IL5RA: variants seen among roughly 807,000 people sequenced by gnomAD.
IL5RA encodes interleukin 5 receptor subunit alpha, also known as interleukin-5 receptor subunit alpha.
Under a neutral mutation model 50.0 loss-of-function variants are expected in IL5RA, and 49 were observed. The observed-to-expected ratio is 0.98, with a 90% CI of 0.78 to 1.24. The LOEUF is 1.24. Ranked by LOEUF, IL5RA falls within the 50% of genes most tolerant of loss-of-function variation. IL5RA has a pLI of 0.00. For synonymous variants in IL5RA, 202 were observed against 174.0 expected (o/e 1.16, Z -1.26); for missense variants, 600 against 500.4 (o/e 1.20, Z -1.90).
chr3:3,074,533 C>A (rs1355547532), intron 11 of IL5RA, among the ~76,000 whole-genome samples: 1 of 152,148 alleles, frequency 6.6e-6, no homozygotes, highest in Non-Finnish European at 1.5e-5. Flanking sequence ...ACTTGGGAGG[C>A]TGAGGTGGGA....
intron 9 of IL5RA, among the ~76,000 whole-genome samples, chr3:3,090,649 C>G (rs992346003): frequency 6.8e-5 from 10 of 147,910 alleles, no homozygotes; most frequent in Admixed American, 4.1e-4. Context: ...TCACTGCAAG[C>G]TCCGCCTCCC....
intron 9 of IL5RA, among the ~76,000 whole-genome samples, chr3:3,091,165 T>G (rs565228634): frequency 2.0e-5 from 3 of 152,190 alleles, no homozygotes; most frequent in Non-Finnish European, 4.4e-5. Flanking sequence ...CAGGGACAGA[T>G]CCAGATTTTG....
intron 9 of IL5RA, among the ~76,000 whole-genome samples, chr3:3,077,910 G>A (rs375914202): frequency 3.3e-5 from 5 of 152,136 alleles, no homozygotes; most frequent in South Asian, 2.1e-4. Context: ...TTTCCTTTCC[G>A]TGGGAGAGGC....
chr3:3,080,456 G>C (rs761732601), intron 9 of IL5RA, among the ~76,000 whole-genome samples: 1 of 152,112 alleles, frequency 6.6e-6, no homozygotes, highest in South Asian at 2.1e-4. Context: ...TAGGAGCTTC[G>C]CTTCACTTAT....
rs369877574 is a variant in IL5RA at position 3,096,340 on chromosome 3, A to G, written c.710-896T>C. 5.6e-4 allele frequency among the ~76,000 whole-genome samples: 84 copies of G among 151,052 alleles called. 1 individual carries two copies. Among genetic ancestry groups the G allele is most frequent in the South Asian group, 3.6e-3 (17 of 4,772 alleles). On this transcript the variant is annotated intron_variant, in intron 7 of 11. Coordinates refer to ENST00000446632, the MANE Select transcript of IL5RA (RefSeq NM_175726.4). Reference sequence around the variant, plus strand: ...GATTGGGCTAAATTTGTCTTTACTTAGGACTCTAATGTCCTTTCCCTTGAG... The same window carrying G: ...GATTGGGCTAAATTTGTCTTTACTTGGGACTCTAATGTCCTTTCCCTTGAG...
rs1455486036 is a variant in IL5RA at position 3,069,546 on chromosome 3, GT to G, written c.*678del. 1 of 152,082 alleles carries G rather than the reference GT, an allele frequency of 6.6e-6. No individual in the cohort carries two copies. Among genetic ancestry groups the G allele is most frequent in the Non-Finnish European group, 1.5e-5 (1 of 68,030 alleles). 9.4% of individuals were successfully genotyped at this position (152,082 alleles called of 1,614,324 possible). On this transcript the variant is annotated 3_prime_UTR_variant, in exon 12 of 12. Coordinates refer to ENST00000446632, the MANE Select transcript of IL5RA (RefSeq NM_175726.4). ...AATCTGTCGTCTCTTTTGATATGGG[GT>G]GATATATTAGCTCTATTATGCTTTT...
intron 9 of IL5RA, 23 bp from the exon 10 acceptor site, chr3:3,076,650 CA>C: frequency 2.7e-6 from 4 of 1,479,338 alleles, no homozygotes; most frequent in East Asian, 4.5e-5. Flanking sequence ...AAAAAAGAAA[CA>C]AAAAAATATA....
At chr3:3,091,823 A>G (rs1703121765) in intron 9 of IL5RA, 1 of 192,410 alleles carries the variant, frequency 5.2e-6, no homozygotes. Flanking sequence ...ATTCTATTCC[A>G]CTATTGTACT....
chr3:3,102,927 G>T (rs906886733), intron 3 of IL5RA, 107 bp from the exon 4 acceptor site: 12 of 824,692 alleles, frequency 1.5e-5, no homozygotes, highest in Non-Finnish European at 2.2e-5. Context: ...TCCTGGACCT[G>T]CCAGCACCAC....
At chr3:3,077,085 A>G (rs1702511632) in intron 9 of IL5RA, among the ~76,000 whole-genome samples, 1 of 152,254 alleles carries the variant, frequency 6.6e-6, no homozygotes, top group African/African-American at 2.4e-5. Flanking sequence ...AAAGTATGAG[A>G]TAATACTTGT....
chr3:3,098,979 T>C (rs1161472340), intron 5 of IL5RA, among the ~76,000 whole-genome samples: 1 of 152,228 alleles, frequency 6.6e-6, no homozygotes. Context: ...TTCTGGGCTC[T>C]GTGTTTTCAA....
chr3:3,084,364 G>A (rs1428688990), intron 9 of IL5RA, among the ~76,000 whole-genome samples: 1 of 152,158 alleles, frequency 6.6e-6, no homozygotes, highest in Non-Finnish European at 1.5e-5. Flanking sequence ...GATAAACTCA[G>A]GCCAGGAGAA....
In IL5RA at chr3:3,067,967, A is replaced by T. The variant is rs1340593024; in HGVS notation, c.*2258T>A. 3 of 152,202 alleles carry T rather than the reference A, an allele frequency of 2.0e-5. No individual in the cohort carries two copies. The highest frequency in any genetic ancestry group is 7.2e-5 in the African/African-American group (3 of 41,452). 9.4% of individuals were successfully genotyped at this position (152,202 alleles called of 1,614,324 possible). ...CCAACTGTCTGGGTTGTGGTTTGAAAGAGATCAGACAGGGTGCTCCAAGCC... is the reference window on the plus strand; with the variant it reads ...CCAACTGTCTGGGTTGTGGTTTGAATGAGATCAGACAGGGTGCTCCAAGCC... On this transcript the variant is annotated 3_prime_UTR_variant, in exon 12 of 12. Coordinates refer to ENST00000446632, the MANE Select transcript of IL5RA (RefSeq NM_175726.4).
rs550899502 is a variant in IL5RA, at chr3:3,070,415, G to A, written c.1177-104C>T. 1.6e-5 allele frequency: 11 copies of A among 687,682 alleles called. No homozygotes were observed. The South Asian group carries it at 1.7e-4, about 11-fold the overall frequency. The allele number at this position is 687,682 out of a possible 1,614,324, so 42.6% of individuals were successfully genotyped here. A position where few individuals can be genotyped will look rare whatever the true frequency, so the allele number is the denominator to read the frequency against. ...GTCTATTATTTTTTAAATAAAAATA[G>A]TAAATGTTCACAAAGAAGATGTGAA... On this transcript the variant is annotated intron_variant, in intron 11 of 11. Transcript: ENST00000446632.
chr3:3,074,758 TA>T, intron 11 of IL5RA, 23 bp downstream of exon 11: 1 of 1,389,460 alleles, frequency 7.2e-7, no homozygotes, highest in Non-Finnish European at 1.0e-6. Flanking sequence ...ACATACGGCA[TA>T]TCATAAGAAC....
intron 9 of IL5RA, chr3:3,090,174 A>C (rs1224204283): frequency 1.3e-6 from 2 of 1,599,752 alleles, no homozygotes; most frequent in East Asian, 2.2e-5. Flanking sequence ...AACACATGTA[A>C]TCTGCTATCC....
intron 11 of IL5RA, among the ~76,000 whole-genome samples, chr3:3,072,578 A>C (rs1031807684): frequency 3.9e-5 from 6 of 152,210 alleles, no homozygotes; most frequent in African/African-American, 1.4e-4. Context: ...TACCAGCATT[A>C]AGATGTTCCA....
chr3:3,101,147 T>A (rs1295135283), intron 5 of IL5RA, among the ~76,000 whole-genome samples: 1 of 149,694 alleles, frequency 6.7e-6, no homozygotes, highest in African/African-American at 2.5e-5. Context: ...CCACTGCACT[T>A]CAGCCTGGGC....
At chr3:3,102,624 C>G in intron 4 of IL5RA, 51 bp downstream of exon 4, 2 of 1,285,516 alleles carry the variant, frequency 1.6e-6, no homozygotes, top group Non-Finnish European at 2.1e-6. Flanking sequence ...AAAATGCAGT[C>G]AAAATGCATA....
Sources: gnomAD v4.1 joint callset for allele counts (sites outside exome capture counted in the v4.1 genomes callset) on GRCh38, gnomAD v4.1.1 for gene constraint, MANE v1.5 for transcripts, NCBI Gene and HGNC (gene_info 2026-07-23, HGNC 2026-07-21) for gene names.